CLCN1: variants seen among roughly 807,000 people sequenced by gnomAD.
CLCN1 encodes the protein chloride channel protein 1.
In CLCN1, 100 loss-of-function variants were observed where a neutral mutation model predicts 114.5. That is an observed-to-expected ratio of 0.87 (90% confidence interval 0.74 to 1.03). The LOEUF is 1.03. CLCN1 is among the 50% of genes least tolerant of loss of function. CLCN1 has a pLI of 0.00. For synonymous variants in CLCN1, 485 were observed against 487.1 expected, an observed-to-expected ratio of 1.00 and a Z score of 0.06; for missense variants, 1,188 against 1,250.0, an observed-to-expected ratio of 0.95 and a Z score of 0.75.
At position 143,335,664 on chromosome 7, in the gene CLCN1, T is replaced by TTG. The variant is rs1360560757; in HGVS notation, c.1401+2792_1401+2793insGT. ...AGATTCTCAATTCAGCTGTTTTGTT[T>TTG]TTTTTTTTTTTTTGATTCGGAATCT... On this transcript the variant is annotated intron_variant, in intron 12 of 22. Coordinates refer to ENST00000343257, the MANE Select transcript of CLCN1 (RefSeq NM_000083.3). 2.0e-5 allele frequency among the ~76,000 whole-genome samples: 3 copies of TTG among 148,502 alleles called. No individual in the cohort carries two copies. In the East Asian group the frequency reaches 5.9e-4, roughly 29 times the overall value.
chr7:143,320,726 G>C lies in CLCN1; in HGVS notation c.364G>C (p.Val122Leu), dbSNP rs528823552. The C allele has an allele frequency of 1.2e-6, 2 of 1,613,442 alleles. No homozygotes were observed. The highest frequency in any genetic ancestry group is 1.7e-6 in the Non-Finnish European group (2 of 1,179,582). Reference sequence around the variant, plus strand: ...ATTAGGGGAAGACGGGATCTTTCTGGTGCTTCTGGGACTGCTGATGGCTCT... The same window carrying C: ...ATTAGGGGAAGACGGGATCTTTCTGCTGCTTCTGGGACTGCTGATGGCTCT... ...RKLGEDGIFLVLLGLLMALVS... is the reference protein window; with the variant it reads ...RKLGEDGIFLLLLGLLMALVS... The change falls in exon 3 of 23, where the codon GTG (valine) becomes CTG (leucine). Residue 122 changes from valine to leucine, a missense_variant. Transcript: ENST00000343257.
At position 143,351,720 on chromosome 7, in the gene CLCN1, A is replaced by G. The variant is rs146862992; in HGVS notation, c.2722A>G (p.Asn908Asp). 31 of 1,614,110 alleles carry G rather than the reference A, an allele frequency of 1.9e-5. No individual in the cohort carries two copies. In the African/African-American group the frequency reaches 4.1e-4, roughly 22 times the overall value. The change falls in exon 23 of 23, where the codon AAC becomes GAC. Residue 908 changes from asparagine (N) to aspartate (D), a missense_variant. Coordinates refer to ENST00000343257, the MANE Select transcript of CLCN1 (RefSeq NM_000083.3). ...ACCTCCATCTTCTGCAGAGAACTGG[A>G]ACCTGCCTGAGGACAGGCCTGGGGC... The part of the protein sequence containing the change: ...GAPPSSAENW[N>D]LPEDRPGATG...
At chr7:143,351,150 AG>A (rs976150003) in intron 22 of CLCN1, among the ~76,000 whole-genome samples, 69 of 152,246 alleles carry the variant, frequency 4.5e-4, no homozygotes, top group African/African-American at 1.6e-3. Flanking sequence ...GAGACTACGA[AG>A]CCTGTTATGG....
chr7:143,341,045 A>G (rs530552129), intron 14 of CLCN1, among the ~76,000 whole-genome samples: 1 of 152,330 alleles, frequency 6.6e-6, no homozygotes, highest in African/African-American at 2.4e-5. Context: ...AATCATCTAA[A>G]TGACCCCTTT....
In CLCN1 at chr7:143,323,347, C is replaced by T; in HGVS notation, c.735C>T (p.Val245=). The change falls in exon 6 of 23, where the codon GTC becomes GTT. Residue 245 remains valine, a synonymous_variant. Transcript: ENST00000343257. The part of the protein sequence containing the change: ...FVHIASICAA[V]LSKFMSVFCG... ...ACATTGCCAGCATCTGTGCTGCTGT[C>T]CTCAGCAAATTCATGTCTGTGTTCT... The T allele has an allele frequency of 6.2e-7, 1 of 1,613,924 alleles. No homozygotes were observed. The highest frequency in any genetic ancestry group is 8.5e-7 in the Non-Finnish European group (1 of 1,179,838).
intron 11 of CLCN1, 82 bp from the exon 12 acceptor site, chr7:143,332,642 G>A: frequency 2.5e-6 from 4 of 1,573,050 alleles, no homozygotes; most frequent in South Asian, 2.2e-5. Flanking sequence ...CTTGAATAAT[G>A]AGGCTGGGGA....
At position 143,330,897 on chromosome 7, in the gene CLCN1, G is replaced by A. The variant is rs774396430; in HGVS notation, c.979G>A (p.Val327Ile). 4.4e-5 allele frequency: 71 copies of A among 1,614,058 alleles called. No homozygotes were observed. Among genetic ancestry groups the A allele is most frequent in the Non-Finnish European group, 5.8e-5 (69 of 1,180,044 alleles). The change falls in exon 8 of 23, where the codon GTC (valine) becomes ATC (isoleucine). Residue 327 changes from valine to isoleucine, a missense_variant and splice_region_variant. Coordinates refer to ENST00000343257, the MANE Select transcript of CLCN1 (RefSeq NM_000083.3). ...RVLAVWNKDA[V>I]TITALFRTNF... ...GCTGGCAGTGTGGAACAAGGATGCT[G>A]GTAACCAAGGAGGCCTTGGGTGGAG...
chr7:143,327,056 G>A (rs961045507), intron 7 of CLCN1, among the ~76,000 whole-genome samples: 1 of 152,088 alleles, frequency 6.6e-6, no homozygotes, highest in Non-Finnish European at 1.5e-5. Flanking sequence ...GAACAGCCTG[G>A]CCAATATGGT....
chr7:143,325,250 T>C (rs574980001), intron 7 of CLCN1, among the ~76,000 whole-genome samples: 1 of 152,338 alleles, frequency 6.6e-6, no homozygotes, highest in East Asian at 1.9e-4. Context: ...CAAGTTGATA[T>C]GTGAAGAAAC....
In CLCN1 at chr7:143,321,948, G is replaced by A. The variant is rs892148550; in HGVS notation, c.696+100G>A. The A allele has an allele frequency of 9.6e-5, 135 of 1,399,080 alleles. No individual in the cohort carries two copies. The highest frequency in any genetic ancestry group is 1.3e-4 in the Non-Finnish European group (129 of 1,021,750). 86.7% of individuals were successfully genotyped at this position (1,399,080 alleles called of 1,614,324 possible). ...CTCTGGGAGTGGAAGTGGATCAGGG[G>A]ACAGGACCAAGGCCAGGGCCAGGGG... is the stretch of plus-strand genomic sequence containing the variant. On this transcript the variant is annotated intron_variant, in intron 5 of 22. Transcript: ENST00000343257. The surrounding 1 kb of genome is among the most constrained non-coding windows in gnomAD (Gnocchi z 4.2).
chr7:143,349,260 C>T (rs1586519960), intron 20 of CLCN1, among the ~76,000 whole-genome samples: 2 of 152,172 alleles, frequency 1.3e-5, no homozygotes, highest in Non-Finnish European at 2.9e-5. Context: ...TGCTATGTAA[C>T]CTCTGTAATC....
At chr7:143,341,497 T>C (rs538810512) in intron 14 of CLCN1, among the ~76,000 whole-genome samples, 1 of 151,888 alleles carries the variant, frequency 6.6e-6, no homozygotes, top group African/African-American at 2.4e-5. Flanking sequence ...AGGTGGAGGT[T>C]CCCATGAACC....
intron 1 of CLCN1, among the ~76,000 whole-genome samples, chr7:143,317,194 T>C (rs1477820969): frequency 6.6e-6 from 1 of 150,808 alleles, no homozygotes; most frequent in Non-Finnish European, 1.5e-5. Flanking sequence ...CTCCAAAGAA[T>C]GCAGAGAATA....
chr7:143,316,594 C>G (rs1487587266), intron 1 of CLCN1, among the ~76,000 whole-genome samples: 1 of 152,200 alleles, frequency 6.6e-6, no homozygotes, highest in African/African-American at 2.4e-5. Context: ...GAGAGATATG[C>G]ATGCACTTTC....
In CLCN1 at chr7:143,346,912, A is replaced by T. The variant is rs775611631; in HGVS notation, c.2366A>T (p.Asp789Val). The change falls in exon 20 of 23, where the codon GAT (aspartate) becomes GTT (valine). Residue 789 changes from aspartate to valine, a missense_variant and splice_region_variant. Transcript: ENST00000343257. ...TGGACCTATGTCTTTCTTCTCTAGGATTCCACAGATTTAGTGGATAACATG... is the reference window on the plus strand; with the variant it reads ...TGGACCTATGTCTTTCTTCTCTAGGTTTCCACAGATTTAGTGGATAACATG... ...ARPTKKKTTQ[D>V]STDLVDNMSP... 6 of 1,613,518 alleles carry T rather than the reference A, an allele frequency of 3.7e-6. No homozygotes were observed. Among genetic ancestry groups the T allele is most frequent in the South Asian group, 1.1e-5 (1 of 91,074 alleles).
At chr7:143,328,553 G>A (rs1167447872) in intron 7 of CLCN1, among the ~76,000 whole-genome samples, 2 of 152,124 alleles carry the variant, frequency 1.3e-5, no homozygotes, top group African/African-American at 4.8e-5. Flanking sequence ...CCACGTCGTA[G>A]GAAAGAAAAC....
Position 143,346,655 on chromosome 7 carries a change from C to T in CLCN1, c.2361C>T (p.Thr787=). ...CTCGCCCCACAAAGAAGAAAACAAC[C>T]CAGGTGAGAGGAGATGTGTTTGGGG... ...GRARPTKKKT[T]QDSTDLVDNM... The change falls in exon 19 of 23, where the codon ACC becomes ACT. Residue 787 remains threonine (T), a synonymous_variant. Transcript: ENST00000343257. The T allele has an allele frequency of 6.2e-7, 1 of 1,611,880 alleles. No homozygotes were observed. Among genetic ancestry groups the T allele is most frequent in the South Asian group, 1.1e-5 (1 of 91,034 alleles).
chr7:143,323,987 C>A, intron 6 of CLCN1: 1 of 408,128 alleles, frequency 2.5e-6, no homozygotes. Flanking sequence ...AGTGGGCATC[C>A]AGGGAATGAC....
At chr7:143,348,274 G>A (rs1252025251) in intron 20 of CLCN1, among the ~76,000 whole-genome samples, 3 of 152,106 alleles carry the variant, frequency 2.0e-5, no homozygotes, top group Non-Finnish European at 2.9e-5. Flanking sequence ...TATTCCTTCT[G>A]CCCACAAGCA....
Sources: gnomAD v4.1 joint callset for allele counts (sites outside exome capture counted in the v4.1 genomes callset) on GRCh38, gnomAD v4.1.1 for gene constraint, Gnocchi (gnomAD v3.1) non-coding constraint, MANE v1.5 for transcripts, NCBI Gene and HGNC (gene_info 2026-07-23, HGNC 2026-07-21) for gene names.